Variants in UQCC6 observed in about 807,000 individuals in gnomAD.
UQCC6 encodes ubiquinol-cytochrome c reductase complex assembly factor 6.
chr12:103,953,548 A>G, the UQCC6 span: 15 of 702,292 alleles, frequency 2.1e-5, no homozygotes, highest in Non-Finnish European at 3.9e-5. Flanking sequence ...CAAAGAACAA[A>G]GTGGTTGACA....
chr12:103,954,333 T>G, the UQCC6 span, among the ~76,000 whole-genome samples: 1 of 101,038 alleles, frequency 9.9e-6, no homozygotes, highest in African/African-American at 3.7e-5. Flanking sequence ...TAAAGAAGTT[T>G]ATTTGGCTCT....
At chr12:103,955,057 G>A in the UQCC6 span, 5 of 661,792 alleles carry the variant, frequency 7.6e-6, no homozygotes, top group Admixed American at 2.1e-5. Context: ...GCTCATGCCT[G>A]TAACCCCAGC....
the UQCC6 span, among the ~76,000 whole-genome samples, chr12:103,952,486 C>G: frequency 6.6e-6 from 1 of 152,162 alleles, no homozygotes; most frequent in Non-Finnish European, 1.5e-5. Flanking sequence ...TCTGAACATT[C>G]ATATACAAGT....
the UQCC6 span, among the ~76,000 whole-genome samples, chr12:103,963,825 AG>A: frequency 1.5e-4 from 23 of 152,156 alleles, no homozygotes; most frequent in Non-Finnish European, 2.6e-4. Context: ...TAGCTGTACT[AG>A]GTTTTTTGTA....
At chr12:103,951,822 A>G in the UQCC6 span, among the ~76,000 whole-genome samples, 2 of 152,292 alleles carry the variant, frequency 1.3e-5, no homozygotes, top group Admixed American at 1.3e-4. Flanking sequence ...ATATGAGTCT[A>G]TCATCCTGGC....
At chr12:103,956,055 C>G in the UQCC6 span, among the ~76,000 whole-genome samples, 1 of 152,076 alleles carries the variant, frequency 6.6e-6, no homozygotes, top group African/African-American at 2.4e-5. Context: ...TGACAAAGAA[C>G]AAATAAATAG....
the UQCC6 span, among the ~76,000 whole-genome samples, chr12:103,961,227 A>G: frequency 6.6e-6 from 1 of 152,186 alleles, no homozygotes; most frequent in Non-Finnish European, 1.5e-5. Context: ...GAATAAGGAT[A>G]TAAGAAATTG....
the UQCC6 span, among the ~76,000 whole-genome samples, chr12:103,960,369 C>T: frequency 6.4e-4 from 98 of 152,284 alleles, no homozygotes; most frequent in Admixed American, 1.4e-3. Context: ...CCACCGCACC[C>T]GGCCAATCTG....
chr12:103,962,961 A>G, the UQCC6 span, among the ~76,000 whole-genome samples: 5 of 151,812 alleles, frequency 3.3e-5, no homozygotes, highest in Non-Finnish European at 7.4e-5. Flanking sequence ...TATCTGAACT[A>G]CCTTTGAAGC....
chr12:103,952,529 G>C, the UQCC6 span, among the ~76,000 whole-genome samples: 1 of 152,094 alleles, frequency 6.6e-6, no homozygotes, highest in East Asian at 1.9e-4. Context: ...ATGTCTATTG[G>C]GCATAAACCT....
chr12:103,953,469 TCTC>T, the UQCC6 span: 1 of 702,228 alleles, frequency 1.4e-6, no homozygotes, highest in South Asian at 1.5e-5. Context: ...GTCATCATGG[TCTC>T]CTCTGCTCGA....
At chr12:103,953,319 G>A in the UQCC6 span, 1 of 700,240 alleles carries the variant, frequency 1.4e-6, no homozygotes, top group South Asian at 1.5e-5. Flanking sequence ...CAGTATGAGA[G>A]AGGAATTAAG....
At chr12:103,964,029 C>A in the UQCC6 span, among the ~76,000 whole-genome samples, 1 of 150,554 alleles carries the variant, frequency 6.6e-6, no homozygotes, top group Non-Finnish European at 1.5e-5. Flanking sequence ...GACTCAGATG[C>A]AGGATGTTGA....
At chr12:103,960,951 T>TA in the UQCC6 span, among the ~76,000 whole-genome samples, 5,948 of 151,400 alleles carry the variant, frequency 0.039, 409 homozygotes, top group African/African-American at 0.14. Context: ...TTATTCTTTT[T>TA]TAAAAAAAAA....
At chr12:103,955,274 G>A in the UQCC6 span, among the ~76,000 whole-genome samples, 1 of 151,984 alleles carries the variant, frequency 6.6e-6, no homozygotes, top group Non-Finnish European at 1.5e-5. Context: ...CTCAGATTGT[G>A]CCACTGCACT....
At chr12:103,954,713 TCAC>T in the UQCC6 span, 1 of 491,520 alleles carries the variant, frequency 2.0e-6, no homozygotes, top group Non-Finnish European at 3.6e-6. Context: ...TAAAGGATAT[TCAC>T]CAAACAAGAA....
the UQCC6 span, among the ~76,000 whole-genome samples, chr12:103,962,695 C>T: frequency 3.3e-5 from 5 of 152,228 alleles, no homozygotes; most frequent in African/African-American, 1.2e-4. Context: ...ACACTCAGCC[C>T]CTTGATTTGC....
At chr12:103,954,756 G>A in the UQCC6 span, 1 of 548,764 alleles carries the variant, frequency 1.8e-6, no homozygotes, top group Non-Finnish European at 3.2e-6. Context: ...GAGCAGACAG[G>A]AGAAAGGAGG....
chr12:103,956,808 G>A, the UQCC6 span: 1 of 1,100,200 alleles, frequency 9.1e-7, no homozygotes, highest in African/African-American at 1.5e-5. Context: ...ACCGCGCCAG[G>A]GCTGAGGCGC....
Sources: allele counts gnomAD v4.1 joint callset (sites outside exome capture counted in the v4.1 genomes callset), GRCh38; gene constraint gnomAD v4.1.1; transcripts MANE v1.5; gene names NCBI Gene and HGNC (gene_info 2026-07-23, HGNC 2026-07-21).